Variants in FNDC4 observed in about 807,000 individuals in gnomAD.
The protein encoded by FNDC4 is fibronectin type III domain containing 4.
Under a neutral mutation model 25.1 loss-of-function variants are expected in FNDC4, and 11 were observed. The observed-to-expected ratio is 0.44, with a 90% CI of 0.28 to 0.73. FNDC4 has a LOEUF of 0.73. Ranked by LOEUF, FNDC4 falls within the 30% of genes least tolerant of loss-of-function variation. The pLI is 0.16. For missense variants in FNDC4, 250 were observed against 304.3 expected (o/e 0.82, Z 1.33); for synonymous variants, 136 against 118.8 (o/e 1.14, Z -0.94).
At position 27,492,603 on chromosome 2, in the gene FNDC4, C is replaced by T. The variant is rs1669282816; in HGVS notation, c.669+63G>A. 3 of 1,610,862 alleles carry T rather than the reference C, an allele frequency of 1.9e-6. No homozygotes were observed. Among genetic ancestry groups the T allele is most frequent in the Admixed American group, 3.3e-5 (2 of 59,958 alleles). ...TTTCTGCCCCTCTTTGACCTTCTTC[C>T]TTTCCCTGGCTGCCCCTCAGGGGCA... is the stretch of plus-strand genomic sequence containing the variant. On this transcript the variant is annotated intron_variant, in intron 6 of 6. Transcript: ENST00000264703. The surrounding 1 kb of genome is among the most constrained non-coding windows in gnomAD (Gnocchi z 4.1).
intron 4 of FNDC4, 118 bp from the exon 5 acceptor site, chr2:27,493,596 G>A (rs2148574271): frequency 1.1e-6 from 1 of 894,870 alleles, no homozygotes; most frequent in Non-Finnish European, 1.8e-6. Flanking sequence ...TGCCCTTGGA[G>A]TGTAGGGTAG....
Position 27,493,444 on chromosome 2 carries a change from C to T in FNDC4, c.489G>A (p.Arg163=). The change falls in exon 5 of 7, where the codon CGG becomes CGA. Residue 163 remains arginine (R), a synonymous_variant. Coordinates refer to ENST00000264703, the MANE Select transcript of FNDC4 (RefSeq NM_022823.3). ...TGACCACTTCCCCAGTCTGCAGTGG[C>T]CGCTCTCCATCCAGACCTTCCACTG... ...DITVEGLDGE[R]PLQTGEVVII... The T allele has an allele frequency of 1.2e-6, 2 of 1,613,986 alleles. No homozygotes were observed. The highest frequency in any genetic ancestry group is 1.7e-6 in the Non-Finnish European group (2 of 1,179,856).
rs1356804969 is a variant in FNDC4 at position 27,492,706 on chromosome 2, G to C, written c.629C>G (p.Pro210Arg). The change falls in exon 6 of 7, where the codon CCG (proline) becomes CGG (arginine). Residue 210 changes from proline to arginine, a missense_variant. Coordinates refer to ENST00000264703, the MANE Select transcript of FNDC4 (RefSeq NM_022823.3). This position sits in a 1 kb window ranked among gnomAD's most constrained non-coding sequence, Gnocchi z 4.1. ...NNNPKEKGKGPEQSPQGRPVG... is the reference protein window; with the variant it reads ...NNNPKEKGKGREQSPQGRPVG... ...TGGCCTTCCCTGAGGACTCTGTTCC[G>C]GCCCCTTTCCCTTCTCCTTGGGATT... 12 of 1,613,992 alleles carry C rather than the reference G, an allele frequency of 7.4e-6. No homozygotes were observed. Among genetic ancestry groups the C allele is most frequent in the Non-Finnish European group, 1.0e-5 (12 of 1,179,992 alleles).
At chr2:27,493,313 T>A (rs1669303888) in intron 5 of FNDC4, 76 bp downstream of exon 5, 1 of 1,235,246 alleles carries the variant, frequency 8.1e-7, no homozygotes, top group Admixed American at 1.7e-5. Flanking sequence ...TATCTCTCAC[T>A]TCTTTTTCTC....
Position 27,492,582 on chromosome 2 carries a change from T to C in FNDC4, c.669+84A>G. ...AGATCTTCCATTCTCCATCTTTTTC[T>C]GCCCCTCTTTGACCTTCTTCCTTTC... On this transcript the variant is annotated intron_variant, in intron 6 of 6. Coordinates refer to ENST00000264703, the MANE Select transcript of FNDC4 (RefSeq NM_022823.3). This position sits in a 1 kb window ranked among gnomAD's most constrained non-coding sequence, Gnocchi z 4.1. 1 of 1,602,530 alleles carries C rather than the reference T, an allele frequency of 6.2e-7. No individual in the cohort carries two copies. Among genetic ancestry groups the C allele is most frequent in the Non-Finnish European group, 8.6e-7 (1 of 1,169,530 alleles).
At chr2:27,493,214 G>A (rs1669302208) in intron 5 of FNDC4, among the ~76,000 whole-genome samples, 175 bp downstream of exon 5, 1 of 152,024 alleles carries the variant, frequency 6.6e-6, no homozygotes, top group Non-Finnish European at 1.5e-5. Flanking sequence ...GTTTCACCAT[G>A]TTGGCCAGGC....
Position 27,493,925 on chromosome 2 carries a change from C to T in FNDC4, c.454+5G>A, listed in dbSNP as rs1039933406. 39 of 1,613,950 alleles carry T rather than the reference C, an allele frequency of 2.4e-5. No individual in the cohort carries two copies. The highest frequency in any genetic ancestry group is 3.2e-5 in the Non-Finnish European group (38 of 1,179,760). On this transcript the variant is annotated splice_donor_5th_base_variant and intron_variant, in intron 4 of 6. Coordinates refer to ENST00000264703, the MANE Select transcript of FNDC4 (RefSeq NM_022823.3). ...GCCAGAGAATCCAATAGCACAGATCCTCACCTGGGCTTGAACTGTTTGAAG... is the reference window on the plus strand; with the variant it reads ...GCCAGAGAATCCAATAGCACAGATCTTCACCTGGGCTTGAACTGTTTGAAG...
chr2:27,492,988 C>T lies in FNDC4; in HGVS notation c.545-198G>A, dbSNP rs1252542894. 6.6e-6 allele frequency among the ~76,000 whole-genome samples: 1 copy of T among 151,140 alleles called. No individual in the cohort carries two copies. Among genetic ancestry groups the T allele is most frequent in the Non-Finnish European group, 1.5e-5 (1 of 67,830 alleles). On this transcript the variant is annotated intron_variant, in intron 5 of 6. Transcript: ENST00000264703. The surrounding 1 kb of genome is among the most constrained non-coding windows in gnomAD (Gnocchi z 4.1). ...CTCCTGAACTAAGTATCTCCCCACT[C>T]CACTCTATTTCTCTTACTTTTTTTT...
intron 5 of FNDC4, 86 bp downstream of exon 5, chr2:27,493,303 T>G: frequency 9.3e-7 from 1 of 1,078,154 alleles, no homozygotes; most frequent in Non-Finnish European, 1.4e-6. Context: ...TGAGCCACTG[T>G]ATCTCTCACT....
At position 27,494,813 on chromosome 2, in the gene FNDC4, T is replaced by G; in HGVS notation, c.-25+65A>C. On this transcript the variant is annotated intron_variant, in intron 1 of 6. Coordinates refer to ENST00000264703, the MANE Select transcript of FNDC4 (RefSeq NM_022823.3). This position sits in a 1 kb window ranked among gnomAD's most constrained non-coding sequence, Gnocchi z 4.6. The stretch of plus-strand genomic sequence containing the variant: ...CAGCTCACAACAGCCCTATTTTCTC[T>G]ACGCCCTCCCGCCCCCGCATTGCCC... 1.7e-6 allele frequency: 1 copy of G among 579,632 alleles called. No individual in the cohort carries two copies. The highest frequency in any genetic ancestry group is 3.0e-6 in the Non-Finnish European group (1 of 332,872). 35.9% of individuals were successfully genotyped at this position (579,632 alleles called of 1,614,324 possible).
Position 27,492,521 on chromosome 2 carries a change from T to C in FNDC4, c.670-43A>G. 1.3e-6 allele frequency: 2 copies of C among 1,599,152 alleles called. No homozygotes were observed. The highest frequency in any genetic ancestry group is 1.7e-5 in the Admixed American group (1 of 59,988). ...CTGAGTCTCAACTTCAGGAAGGTAA[T>C]AGGTGCCACCCTTTCTCTCCAGCCT... On this transcript the variant is annotated intron_variant, in intron 6 of 6. Coordinates refer to ENST00000264703, the MANE Select transcript of FNDC4 (RefSeq NM_022823.3). This position sits in a 1 kb window ranked among gnomAD's most constrained non-coding sequence, Gnocchi z 4.1.
At chr2:27,493,881 G>C in intron 4 of FNDC4, 49 bp downstream of exon 4, 1 of 1,551,552 alleles carries the variant, frequency 6.4e-7, no homozygotes, top group Non-Finnish European at 8.9e-7. Context: ...TAAGTAAGAG[G>C]CTGCAAGCCA....
Position 27,492,893 on chromosome 2 carries a change from G to T in FNDC4, c.545-103C>A. On this transcript the variant is annotated intron_variant, in intron 5 of 6. Transcript: ENST00000264703. This position sits in a 1 kb window ranked among gnomAD's most constrained non-coding sequence, Gnocchi z 4.1. ...CCATGAAGAACATCCTGAATTCCTG[G>T]TGCCCATGCAGTCCTCCTCTCTGGG... is the stretch of plus-strand genomic sequence containing the variant. 1 of 1,388,130 alleles carries T rather than the reference G, an allele frequency of 7.2e-7. No individual in the cohort carries two copies. The highest frequency in any genetic ancestry group is 1.0e-6 in the Non-Finnish European group (1 of 997,256). 86.0% of individuals were successfully genotyped at this position (1,388,130 alleles called of 1,614,324 possible).
In FNDC4 at chr2:27,493,383, AC is replaced by A. The variant is rs1488639471; in HGVS notation, c.544+5del. ...TCCCTGGTCCCCTGTCTAGCTGCTTACTCACCAGCCCACATGAGCAACACCA... is the reference window on the plus strand; with the variant it reads ...TCCCTGGTCCCCTGTCTAGCTGCTTATCACCAGCCCACATGAGCAACACCA... On this transcript the variant is annotated splice_donor_5th_base_variant and intron_variant, in intron 5 of 6. Transcript: ENST00000264703. 6.2e-7 allele frequency: 1 copy of A among 1,611,748 alleles called. No homozygotes were observed. The highest frequency in any genetic ancestry group is 1.3e-5 in the African/African-American group (1 of 74,802).
At chr2:27,493,303 T>C in intron 5 of FNDC4, 86 bp downstream of exon 5, 1 of 1,078,154 alleles carries the variant, frequency 9.3e-7, no homozygotes, top group Non-Finnish European at 1.4e-6. Flanking sequence ...TGAGCCACTG[T>C]ATCTCTCACT....
In FNDC4 at chr2:27,492,269, C is replaced by T. The variant is rs959148936; in HGVS notation, c.*174G>A. On this transcript the variant is annotated 3_prime_UTR_variant, in exon 7 of 7. Coordinates refer to ENST00000264703, the MANE Select transcript of FNDC4 (RefSeq NM_022823.3). This position sits in a 1 kb window ranked among gnomAD's most constrained non-coding sequence, Gnocchi z 4.1. ...CAGGTCCAGGGGCACAGACTCTGAA[C>T]AGACCTACCTTCTGGCTCTGCTCAC... 4.0e-6 allele frequency: 3 copies of T among 758,972 alleles called. No individual in the cohort carries two copies. The highest frequency in any genetic ancestry group is 3.5e-5 in the African/African-American group (2 of 57,672). The allele number at this position is 758,972 out of a possible 1,614,324, so 47.0% of individuals were successfully genotyped here.
chr2:27,492,598 T>TC lies in FNDC4; in HGVS notation c.669+67dup, dbSNP rs1558429080. ...ATCTTTTTCTGCCCCTCTTTGACCT[T>TC]CTTCCTTTCCCTGGCTGCCCCTCAG... On this transcript the variant is annotated intron_variant, in intron 6 of 6. Transcript: ENST00000264703. The surrounding 1 kb of genome is among the most constrained non-coding windows in gnomAD (Gnocchi z 4.1). The TC allele has an allele frequency of 1.5e-5, 24 of 1,609,366 alleles. No homozygotes were observed. The highest frequency in any genetic ancestry group is 3.3e-4 in the Middle Eastern group (2 of 6,082).
rs1330788011 is a variant in FNDC4, at chr2:27,492,788, C to T, written c.547G>A (p.Val183Ile). ...IVVVLLMWAAVIGLFCRQYDI... is the reference protein window; with the variant it reads ...IVVVLLMWAAIIGLFCRQYDI... ...TACTGACGGCAGAACAGCCCAATTA[C>T]AGCTGAAACACAATACAGTCTGAGC... is the stretch of plus-strand genomic sequence containing the variant. Residue 183 changes from valine (V) to isoleucine (I), a missense_variant and splice_region_variant, in exon 6 of 7, where the codon GTA (valine) becomes ATA (isoleucine). By Grantham distance (29) the Val-to-Ile change is conservative. Transcript: ENST00000264703. The surrounding 1 kb of genome is among the most constrained non-coding windows in gnomAD (Gnocchi z 4.1). The T allele has an allele frequency of 6.2e-7, 1 of 1,613,984 alleles. No individual in the cohort carries two copies. Among genetic ancestry groups the T allele is most frequent in the Non-Finnish European group, 8.5e-7 (1 of 1,180,032 alleles).
chr2:27,495,116 C>G lies in FNDC4; in HGVS notation c.-263G>C, dbSNP rs1669356505. The G allele has an allele frequency of 6.6e-6, 1 of 151,778 alleles. No homozygotes were observed. Among genetic ancestry groups the G allele is most frequent in the African/African-American group, 2.4e-5 (1 of 41,388 alleles). The allele number at this position is 151,778 out of a possible 1,614,324, so 9.4% of individuals were successfully genotyped here. On this transcript the variant is annotated 5_prime_UTR_variant, in exon 1 of 7. Transcript: ENST00000264703. ...CGTTGCCCGGACGCTGGCCTGGGTC[C>G]CCGGTGCGGGAGGCAGTGCGGCGGC... is the stretch of plus-strand genomic sequence containing the variant.
Sources: allele counts gnomAD v4.1 joint callset (sites outside exome capture counted in the v4.1 genomes callset), GRCh38; gene constraint gnomAD v4.1.1; non-coding constraint Gnocchi (gnomAD v3.1); transcripts MANE v1.5; gene names NCBI Gene and HGNC (gene_info 2026-07-23, HGNC 2026-07-21).